Variants in PLCB1 observed in about 807,000 individuals in gnomAD.
PLCB1 encodes phospholipase C beta 1, also known as 1-phosphatidylinositol 4,5-bisphosphate phosphodiesterase beta-1.
Under a neutral mutation model 161.8 loss-of-function variants are expected in PLCB1, and 46 were observed. That is an observed-to-expected ratio of 0.28 (90% CI 0.22 to 0.36). The LOEUF is 0.36. Among genes scored for constraint, PLCB1 ranks in the 10% least tolerant of loss-of-function variants. The pLI is 1.00. For missense variants in PLCB1, 1,016 were observed against 1,472.5 expected (o/e 0.69, Z 5.07); for synonymous variants, 517 against 503.7 (o/e 1.03, Z -0.35).
intron 3 of PLCB1, among the ~76,000 whole-genome samples, chr20:8,487,591 C>T (rs1405020849): frequency 6.6e-6 from 1 of 152,140 alleles, no homozygotes; most frequent in Non-Finnish European, 1.5e-5. Context: ...GGCTGGGATT[C>T]TTCAACACCA....
intron 31 of PLCB1, among the ~76,000 whole-genome samples, chr20:8,876,694 T>C (rs1987792250): frequency 6.6e-6 from 1 of 152,234 alleles, no homozygotes; most frequent in Non-Finnish European, 1.5e-5. Context: ...TGCCTGTGTT[T>C]AGCTGGTGGT....
intron 3 of PLCB1, among the ~76,000 whole-genome samples, chr20:8,456,551 A>T (rs1412420788): frequency 6.6e-6 from 1 of 152,194 alleles, no homozygotes; most frequent in Non-Finnish European, 1.5e-5. Context: ...CACAAGTTTT[A>T]TGAGAAAAAT....
chr20:8,633,835 T>G (rs1223237424), intron 4 of PLCB1, among the ~76,000 whole-genome samples: 9 of 152,306 alleles, frequency 5.9e-5, no homozygotes, highest in African/African-American at 1.9e-4. Flanking sequence ...CATGATAGAT[T>G]AGTCTTACCT....
intron 31 of PLCB1, among the ~76,000 whole-genome samples, chr20:8,791,181 A>C (rs1983740748): frequency 6.6e-6 from 1 of 152,016 alleles, no homozygotes. Context: ...ACATTTATTT[A>C]ATATTTTTAA....
chr20:8,470,537 T>C (rs2122713725), intron 3 of PLCB1, among the ~76,000 whole-genome samples: 1 of 152,290 alleles, frequency 6.6e-6, no homozygotes, highest in South Asian at 2.1e-4. Flanking sequence ...GTGCATTTGC[T>C]TACTTTGTTT....
intron 31 of PLCB1, among the ~76,000 whole-genome samples, chr20:8,857,006 G>A (rs912866582): frequency 1.3e-5 from 2 of 152,188 alleles, no homozygotes; most frequent in African/African-American, 2.4e-5. Context: ...GGACAGCTCT[G>A]CTGGTGATAC....
At chr20:8,331,546 A>G (rs1985364827) in intron 2 of PLCB1, among the ~76,000 whole-genome samples, 1 of 152,150 alleles carries the variant, frequency 6.6e-6, no homozygotes, top group Non-Finnish European at 1.5e-5. Context: ...TATCAGCACC[A>G]TTTTTCTGAC....
intron 3 of PLCB1, among the ~76,000 whole-genome samples, chr20:8,565,894 A>G (rs921414428): frequency 6.6e-6 from 1 of 152,116 alleles, no homozygotes; most frequent in Admixed American, 6.6e-5. Context: ...TGTCATTGCT[A>G]AGGATGGGAG....
Position 8,788,487 on chromosome 20 carries a change from G to C in PLCB1, c.3150G>C (p.Gln1050His). Residue 1050 changes from glutamine (Q) to histidine (H), a missense_variant, in exon 28 of 32, where the codon CAG becomes CAC. By Grantham distance (24) the Gln-to-His change is conservative. Transcript: ENST00000338037. ...QKLTDVAEECQNNQLKKLKEI... is the reference protein window; with the variant it reads ...QKLTDVAEECHNNQLKKLKEI... ...TGACGGATGTCGCAGAAGAGTGTCA[G>C]AACAATCAGTTAAAGAAGCTCAAAG... 6.2e-7 allele frequency: 1 copy of C among 1,613,738 alleles called. No homozygotes were observed. Among genetic ancestry groups the C allele is most frequent in the South Asian group, 1.1e-5 (1 of 90,948 alleles).
chr20:8,201,906 A>T (rs1206073069), intron 2 of PLCB1, among the ~76,000 whole-genome samples: 1 of 152,202 alleles, frequency 6.6e-6, no homozygotes, highest in Admixed American at 6.5e-5. Context: ...ATGAAGAAGT[A>T]TAGAGTTATT....
intron 3 of PLCB1, among the ~76,000 whole-genome samples, chr20:8,397,991 T>C (rs1191238387): frequency 1.3e-5 from 2 of 152,284 alleles, no homozygotes; most frequent in African/African-American, 4.8e-5. Context: ...TTTGTTTTGC[T>C]AACATCTTCA....
chr20:8,176,464 T>C (rs2051784948), intron 2 of PLCB1, among the ~76,000 whole-genome samples: 1 of 152,212 alleles, frequency 6.6e-6, no homozygotes, highest in Non-Finnish European at 1.5e-5. Flanking sequence ...ATTTTGTGTC[T>C]GTAAAGTGTT....
At chr20:8,324,199 GGT>G (rs60079589) in intron 2 of PLCB1, among the ~76,000 whole-genome samples, 66,677 of 146,400 alleles carry the variant, frequency 0.46, 15,229 homozygotes, top group Middle Eastern at 0.5. Flanking sequence ...AACTGGTAGG[GGT>G]GTGTGTGTGT....
chr20:8,774,633 A>G lies in PLCB1; in HGVS notation c.3025A>G (p.Lys1009Glu), dbSNP rs1227638264. The change falls in exon 27 of 32, where the codon AAG becomes GAG. Residue 1009 changes from lysine (K) to glutamate (E), a missense_variant. Around this residue, in one of 10 missense-constraint regions of PLCB1, gnomAD observed 398 missense variants for 445.4 expected, o/e 0.89. Coordinates refer to ENST00000338037, the MANE Select transcript of PLCB1 (RefSeq NM_015192.4). ...AEMTQKLIDL[K>E]DKQQQQLLNL... The stretch of plus-strand genomic sequence containing the variant: ...AATGACCCAAAAGTTAATAGACTTG[A>G]AGGACAAACAACAGCAGCAGCTGCT... 1.2e-6 allele frequency: 2 copies of G among 1,614,026 alleles called. No individual in the cohort carries two copies. The highest frequency in any genetic ancestry group is 2.2e-5 in the South Asian group (2 of 91,048).
intron 15 of PLCB1, among the ~76,000 whole-genome samples, chr20:8,723,044 T>A (rs1444152079): frequency 6.6e-6 from 1 of 152,164 alleles, no homozygotes; most frequent in African/African-American, 2.4e-5. Flanking sequence ...ATTTTAAAGT[T>A]TATATTGAAT....
At chr20:8,676,672 C>G (rs1173401044) in intron 9 of PLCB1, among the ~76,000 whole-genome samples, 1 of 148,560 alleles carries the variant, frequency 6.7e-6, no homozygotes, top group Non-Finnish European at 1.5e-5. Flanking sequence ...GAAGATCCCT[C>G]TGCAGTGATG....
intron 3 of PLCB1, among the ~76,000 whole-genome samples, chr20:8,428,166 C>T (rs1267530304): frequency 6.6e-6 from 1 of 151,624 alleles, no homozygotes; most frequent in East Asian, 1.9e-4. Context: ...TTGAGTCTCT[C>T]TAATAAAAAA....
chr20:8,198,592 C>G (rs932548282), intron 2 of PLCB1, among the ~76,000 whole-genome samples: 3 of 152,060 alleles, frequency 2.0e-5, no homozygotes, highest in Admixed American at 2.0e-4. Context: ...AAAATAATCT[C>G]AGACCATGTA....
rs377540066 is a variant in PLCB1 at position 8,658,722 on chromosome 20, C to T, written c.862+18C>T. On this transcript the variant is annotated intron_variant, in intron 9 of 31. Transcript: ENST00000338037. ...CAGAAAAGGTCAGTACTTTCTTTCACACCAAAGGGAAGCTCTTGTTTCTGA... is the reference window on the plus strand; with the variant it reads ...CAGAAAAGGTCAGTACTTTCTTTCATACCAAAGGGAAGCTCTTGTTTCTGA... 1.3e-6 allele frequency: 2 copies of T among 1,581,570 alleles called. No homozygotes were observed. The highest frequency in any genetic ancestry group is 1.7e-6 in the Non-Finnish European group (2 of 1,166,402).
Sources: gnomAD v4.1 joint callset for allele counts (sites outside exome capture counted in the v4.1 genomes callset) on GRCh38, gnomAD v4.1.1 for gene constraint, gnomAD v4.1.1 regional missense constraint, MANE v1.5 for transcripts, NCBI Gene and HGNC (gene_info 2026-07-23, HGNC 2026-07-21) for gene names.